The following ANO7 variants were observed in gnomAD, a reference collection of about 807,000 sequenced individuals.
ANO7 encodes the protein anoctamin 7.
ANO7 carries 114 observed loss-of-function variants against 115.8 expected under a neutral mutation model. That is an observed-to-expected ratio of 0.98 (90% CI 0.85 to 1.15). The LOEUF is 1.15. Ranked by LOEUF, ANO7 falls within the 50% of genes most tolerant of loss-of-function variation. The probability of loss-of-function intolerance (pLI) is 0.00; values close to 1 mark genes in which losing one functional copy is unlikely to be tolerated. For synonymous variants in ANO7, 550 were observed against 498.2 expected (o/e 1.10, Z -1.38); for missense variants, 1,302 against 1,201.2 (o/e 1.08, Z -1.24).
intron 4 of ANO7, 181 bp from the exon 5 acceptor site, chr2:241,199,135 G>A (rs1311050142): frequency 5.0e-6 from 3 of 600,226 alleles, no homozygotes; most frequent in East Asian, 2.9e-5. Context: ...TCGAGGCCCG[G>A]TTGGCTTTCA....
In ANO7 at chr2:241,208,989, A is replaced by G. The variant is rs13021863; in HGVS notation, c.1078-296A>G. On this transcript the variant is annotated intron_variant, in intron 11 of 24. Coordinates refer to ENST00000674324, the MANE Select transcript of ANO7 (RefSeq NM_001370694.2). ...ACGGTGAAACCTCGTCTCTACTAAA[A>G]ATACAAAAATTTAGCCGGGCGTGGT... Among the ~76,000 whole-genome samples the G allele has an allele frequency of 0.36, 55,122 of 152,024 alleles. 11,440 individuals carry two copies. The highest frequency in any genetic ancestry group is 0.48 in the Non-Finnish European group (32,807 of 67,974).
At chr2:241,190,565 G>A (rs1012025408) in intron 2 of ANO7, among the ~76,000 whole-genome samples, 1 of 152,244 alleles carries the variant, frequency 6.6e-6, no homozygotes, top group Admixed American at 6.5e-5. Flanking sequence ...GATGCGCTGT[G>A]AGCCTGTGGG....
intron 7 of ANO7, among the ~76,000 whole-genome samples, chr2:241,201,703 C>T (rs2068476635): frequency 6.6e-6 from 1 of 152,224 alleles, no homozygotes; most frequent in Non-Finnish European, 1.5e-5. Flanking sequence ...GGAAGGGTGG[C>T]CCCAGGCGGG....
Position 241,212,200 on chromosome 2 carries a change from G to C in ANO7, c.1668G>C (p.Lys556Asn). 6.2e-7 allele frequency: 1 copy of C among 1,613,462 alleles called. No homozygotes were observed. The highest frequency in any genetic ancestry group is 8.5e-7 in the Non-Finnish European group (1 of 1,179,424). Residue 556 changes from lysine (K) to asparagine (N), a missense_variant, in exon 16 of 25, where the codon AAG becomes AAC. Transcript: ENST00000674324. Reference sequence around the variant, plus strand: ...CACCCGTCTACATTGCCTTCTTCAAGGGCAGGTTGGTGGGCACCTCTCCCT... The same window carrying C: ...CACCCGTCTACATTGCCTTCTTCAACGGCAGGTTGGTGGGCACCTCTCCCT... ...YSSPVYIAFF[K>N]GRFVGYPGNY...
In ANO7 at chr2:241,217,714, C is replaced by A; in HGVS notation, c.2001C>A (p.Phe667Leu). The change falls in exon 20 of 25, where the codon TTC becomes TTA. Residue 667 changes from phenylalanine (F) to leucine (L), a missense_variant. Phe to Leu is a conservative substitution (Grantham distance 22). Coordinates refer to ENST00000674324, the MANE Select transcript of ANO7 (RefSeq NM_001370694.2). ...MVLQFGFVTI[F>L]VAACPLAPLF... ...TGCAGTTCGGCTTCGTCACCATCTT[C>A]GTGGCCGCCTGTCCGCTCGCGCCGC... 1 of 1,596,430 alleles carries A rather than the reference C, an allele frequency of 6.3e-7. No individual in the cohort carries two copies.
intron 19 of ANO7, 125 bp downstream of exon 19, chr2:241,216,363 G>A: frequency 1.6e-6 from 2 of 1,278,414 alleles, no homozygotes; most frequent in Non-Finnish European, 2.1e-6. Context: ...GTGCTGTGGG[G>A]GTGGGGTGGG....
chr2:241,192,963 T>A (rs1322433235), intron 3 of ANO7, among the ~76,000 whole-genome samples: 3 of 152,040 alleles, frequency 2.0e-5, no homozygotes, highest in Non-Finnish European at 4.4e-5. Context: ...TCAGTGGAGA[T>A]GGATGGTGGT....
chr2:241,191,090 G>A, intron 2 of ANO7, 104 bp from the exon 3 acceptor site: 3 of 1,284,980 alleles, frequency 2.3e-6, no homozygotes, highest in Non-Finnish European at 2.2e-6. Context: ...GCAGGGCGGG[G>A]ACGGGTTGGA....
chr2:241,194,047 G>C (rs1231079386), intron 3 of ANO7, among the ~76,000 whole-genome samples: 1 of 151,942 alleles, frequency 6.6e-6, no homozygotes, highest in East Asian at 1.9e-4. Context: ...GGCTAATTTT[G>C]TATTTTTAGT....
downstream of ANO7, chr2:241,227,635 CAG>C (rs1322471718): frequency 6.6e-6 from 1 of 151,674 alleles, no homozygotes; most frequent in African/African-American, 2.4e-5. Context: ...AAGCGACATA[CAG>C]AGATGTGCAA....
intron 3 of ANO7, among the ~76,000 whole-genome samples, chr2:241,194,356 C>T (rs1484602566): frequency 4.7e-5 from 7 of 150,316 alleles, no homozygotes; most frequent in Non-Finnish European, 1.0e-4. Context: ...GCCCTGTTGC[C>T]CAGGCTGGAG....
At chr2:241,219,851 G>T (rs6746534) in intron 21 of ANO7, among the ~76,000 whole-genome samples, 71,389 of 151,522 alleles carry the variant, frequency 0.47, 18,721 homozygotes, top group East Asian at 0.78. Flanking sequence ...GGGATTACAG[G>T]CACAAGCCAC....
rs371598020 is a variant in ANO7 at position 241,199,465 on chromosome 2, G to A, written c.417+42G>A. 1,072 of 1,589,818 alleles carry A rather than the reference G, an allele frequency of 6.7e-4. 1 individual carries two copies. The highest frequency in any genetic ancestry group is 8.5e-4 in the Non-Finnish European group (990 of 1,159,632). On this transcript the variant is annotated intron_variant, in intron 5 of 24. Coordinates refer to ENST00000674324, the MANE Select transcript of ANO7 (RefSeq NM_001370694.2). ...GGGACAGGGTGGGCCTGGAGGTCCC[G>A]GTCCCCACACACTGCGTTCAGCTGC...
At chr2:241,198,783 C>A (rs1446701237) in intron 4 of ANO7, among the ~76,000 whole-genome samples, 3 of 152,234 alleles carry the variant, frequency 2.0e-5, no homozygotes, top group Non-Finnish European at 4.4e-5. Flanking sequence ...CTCAACCCAC[C>A]CCGGGCTCCA....
chr2:241,231,244 C>T, the ANO7 span: 5 of 273,662 alleles, frequency 1.8e-5, no homozygotes, highest in African/African-American at 4.4e-5. Flanking sequence ...ATTAGCCGGG[C>T]GTGGTGGTGC....
At chr2:241,214,975 C>T in intron 18 of ANO7, 73 bp downstream of exon 18, 1 of 1,349,760 alleles carries the variant, frequency 7.4e-7, no homozygotes, top group Non-Finnish European at 1.0e-6. Flanking sequence ...GTAGCAGCCT[C>T]CAGCCCGGCC....
In ANO7 at chr2:241,218,359, GC is replaced by G. The variant is rs770511317; in HGVS notation, c.2301del (p.Ala768ArgfsTer62). ...GGCGCGAGCCCCGTCCTCCTTCGCC[GC>G]CGCGCACAACCGCACGTGCAGGTGA... is the stretch of plus-strand genomic sequence containing the variant. The part of the protein sequence containing the change: ...TLARAPSSFA[A>X]AHNRTCRYRA... On this transcript the variant is annotated frameshift_variant, in exon 21 of 25. Coordinates refer to ENST00000674324, the MANE Select transcript of ANO7 (RefSeq NM_001370694.2). LOFTEE classifies it high-confidence loss of function. 32 of 1,469,152 alleles carry G rather than the reference GC, an allele frequency of 2.2e-5. No homozygotes were observed. The African/African-American group carries it at 4.2e-4, about 19-fold the overall frequency. The allele number at this position is 1,469,152 out of a possible 1,614,324, so 91.0% of individuals were successfully genotyped here.
chr2:241,203,599 GGGGGCC>G lies in ANO7; in HGVS notation c.889+102_889+107del. The stretch of plus-strand genomic sequence containing the variant: ...CGTACCCCTGGAGGGCAGCGTGCGT[GGGGGCC>G]TGGACGGTGGGCGCAGCTCTTGGCT... On this transcript the variant is annotated intron_variant, in intron 9 of 24. Coordinates refer to ENST00000674324, the MANE Select transcript of ANO7 (RefSeq NM_001370694.2). The surrounding 1 kb of genome is among the most constrained non-coding windows in gnomAD (Gnocchi z 4.8). 1.2e-5 allele frequency: 11 copies of G among 901,606 alleles called. No homozygotes were observed. Among genetic ancestry groups the G allele is most frequent in the Non-Finnish European group, 1.8e-5 (11 of 622,408 alleles). The allele number at this position is 901,606 out of a possible 1,614,324, so 55.9% of individuals were successfully genotyped here. A position where few individuals can be genotyped will look rare whatever the true frequency, so the allele number is the denominator to read the frequency against.
At chr2:241,190,567 G>T (rs965144541) in intron 2 of ANO7, among the ~76,000 whole-genome samples, 1 of 152,264 alleles carries the variant, frequency 6.6e-6, no homozygotes, top group African/African-American at 2.4e-5. Flanking sequence ...TGCGCTGTGA[G>T]CCTGTGGGGA....
Sources: gnomAD v4.1 joint callset for allele counts (sites outside exome capture counted in the v4.1 genomes callset) on GRCh38, gnomAD v4.1.1 for gene constraint, Gnocchi (gnomAD v3.1) non-coding constraint, MANE v1.5 for transcripts, NCBI Gene and HGNC (gene_info 2026-07-23, HGNC 2026-07-21) for gene names.